Variants in SCD observed in about 807,000 individuals in gnomAD.
SCD encodes stearoyl-CoA desaturase, also known as acyl-CoA desaturase.
SCD carries 4 observed loss-of-function variants against 35.7 expected under a neutral mutation model. The ratio of observed to expected loss-of-function variants is 0.11; its 90% confidence interval spans 0.06 to 0.26. The LOEUF is 0.26. Among genes scored for constraint, SCD ranks in the 10% least tolerant of loss-of-function variants. The pLI is 1.00. For missense variants in SCD, 282 were observed against 460.7 expected, an observed-to-expected ratio of 0.61 and a Z score of 3.55; for synonymous variants, 150 against 170.2, an observed-to-expected ratio of 0.88 and a Z score of 0.92.
At position 100,361,619 on chromosome 10, in the gene SCD, G is replaced by A. The variant is rs202061407; in HGVS notation, c.*686G>A. The stretch of plus-strand genomic sequence containing the variant: ...GCATGCTTCCTTTCTCTCCTGGCTC[G>A]GGGTAAAAAGTGGCTGCGGTGTTTG... On this transcript the variant is annotated 3_prime_UTR_variant, in exon 6 of 6. Coordinates refer to ENST00000370355, the MANE Select transcript of SCD (RefSeq NM_005063.5). 1.3e-5 allele frequency: 2 copies of A among 152,216 alleles called. No homozygotes were observed. The highest frequency in any genetic ancestry group is 1.9e-4 in the East Asian group (1 of 5,202). The allele number at this position is 152,216 out of a possible 1,614,324, so 9.4% of individuals were successfully genotyped here.
chr10:100,352,531 C>T lies in SCD; in HGVS notation c.441+35C>T, dbSNP rs1484916154. The stretch of plus-strand genomic sequence containing the variant: ...TGTCTCTGCTCAGCTGTTTGTCCTC[C>T]ACACTATTAATGATCCGGGGACAGA... On this transcript the variant is annotated intron_variant, in intron 3 of 5. Transcript: ENST00000370355. This position sits in a 1 kb window ranked among gnomAD's most constrained non-coding sequence, Gnocchi z 4.2. The T allele has an allele frequency of 1.2e-6, 2 of 1,604,110 alleles. No individual in the cohort carries two copies. The highest frequency in any genetic ancestry group is 1.7e-6 in the Non-Finnish European group (2 of 1,174,604).
chr10:100,356,479 A>G lies in SCD; in HGVS notation c.648-53A>G, dbSNP rs1849929288. The G allele has an allele frequency of 7.7e-7, 1 of 1,304,320 alleles. No individual in the cohort carries two copies. The highest frequency in any genetic ancestry group is 1.1e-6 in the Non-Finnish European group (1 of 899,070). The allele number at this position is 1,304,320 out of a possible 1,614,324, so 80.8% of individuals were successfully genotyped here. On this transcript the variant is annotated intron_variant, in intron 4 of 5. Coordinates refer to ENST00000370355, the MANE Select transcript of SCD (RefSeq NM_005063.5). This position sits in a 1 kb window ranked among gnomAD's most constrained non-coding sequence, Gnocchi z 4.1. ...CCCTCCCAATTAGTGTGGAAGATCC[A>G]TGTAGGTGTGGAGTCCCCCTCCATT... is the stretch of plus-strand genomic sequence containing the variant.
Position 100,354,606 on chromosome 10 carries a change from T to A in SCD, c.621T>A (p.Ala207=). 1 of 1,614,098 alleles carries A rather than the reference T, an allele frequency of 6.2e-7. No homozygotes were observed. Among genetic ancestry groups the A allele is most frequent in the Non-Finnish European group, 8.5e-7 (1 of 1,179,946 alleles). ...CGCTAGACTTGTCTGACCTAGAAGC[T>A]GAGAAACTGGTGATGTTCCAGAGGA... is the stretch of plus-strand genomic sequence containing the variant. ...GSTLDLSDLE[A]EKLVMFQRRY... is the part of the protein sequence containing the mutation. Residue 207 remains alanine, a synonymous_variant, in exon 4 of 6, where the codon GCT becomes GCA. Coordinates refer to ENST00000370355, the MANE Select transcript of SCD (RefSeq NM_005063.5).
chr10:100,364,349 G>A lies in SCD; in HGVS notation c.*3416G>A, dbSNP rs1484741649. The stretch of plus-strand genomic sequence containing the variant: ...CCCTGGGCAAGTCACTTAACTATAA[G>A]GTGCCTCAGTTTTCCTTCTGTTAAA... On this transcript the variant is annotated 3_prime_UTR_variant, in exon 6 of 6. Transcript: ENST00000370355. 6.6e-6 allele frequency: 1 copy of A among 152,488 alleles called. No homozygotes were observed. The highest frequency in any genetic ancestry group is 6.6e-5 in the Admixed American group (1 of 15,262). 9.4% of individuals were successfully genotyped at this position (152,488 alleles called of 1,614,324 possible). A position where few individuals can be genotyped will look rare whatever the true frequency, so the allele number is the denominator to read the frequency against.
Position 100,362,419 on chromosome 10 carries a change from C to T in SCD, c.*1486C>T, listed in dbSNP as rs1329951423. The T allele has an allele frequency of 1.3e-5, 2 of 152,156 alleles. No homozygotes were observed. Among genetic ancestry groups the T allele is most frequent in the Non-Finnish European group, 1.5e-5 (1 of 68,040 alleles). The allele number at this position is 152,156 out of a possible 1,614,324, so 9.4% of individuals were successfully genotyped here. On this transcript the variant is annotated 3_prime_UTR_variant, in exon 6 of 6. Transcript: ENST00000370355. ...GAAGGGGGTCTCTGTTAACATCTAG[C>T]CTAAAGTATACAACTGCCTGGGGGG...
chr10:100,354,537 G>C lies in SCD; in HGVS notation c.552G>C (p.Trp184Cys). ...RRGFFFSHVG[W>C]LLVRKHPAVK... Reference sequence around the variant, plus strand: ...GCTTTTTCTTCTCTCACGTGGGTTGGCTGCTTGTGCGCAAACACCCAGCTG... The same window carrying C: ...GCTTTTTCTTCTCTCACGTGGGTTGCCTGCTTGTGCGCAAACACCCAGCTG... Residue 184 changes from tryptophan to cysteine, a missense_variant, in exon 4 of 6, where the codon TGG becomes TGC. Trp to Cys is a radical substitution (Grantham distance 215). Transcript: ENST00000370355. 2 of 1,614,118 alleles carry C rather than the reference G, an allele frequency of 1.2e-6. No homozygotes were observed. Among genetic ancestry groups the C allele is most frequent in the Non-Finnish European group, 1.7e-6 (2 of 1,179,986 alleles).
rs200497654 is a variant in SCD at position 100,354,505 on chromosome 10, C to T, written c.520C>T (p.Arg174Ter). 3 of 1,614,052 alleles carry T rather than the reference C, an allele frequency of 1.9e-6. No homozygotes were observed. Among genetic ancestry groups the T allele is most frequent in the Non-Finnish European group, 1.7e-6 (2 of 1,179,920 alleles). The change falls in exon 4 of 6, where the codon CGA (arginine) becomes TGA (stop). Residue 174 changes from arginine to a stop codon, truncating the protein, a stop_gained. Coordinates refer to ENST00000370355, the MANE Select transcript of SCD (RefSeq NM_005063.5). LOFTEE classifies it high-confidence loss of function. The part of the protein sequence containing the change: ...SETHADPHNS[R>*]RGFFFSHVGW... ...AACACATGCTGATCCTCATAATTCCCGACGTGGCTTTTTCTTCTCTCACGT... is the reference window on the plus strand; with the variant it reads ...AACACATGCTGATCCTCATAATTCCTGACGTGGCTTTTTCTTCTCTCACGT...
intron 5 of SCD, among the ~76,000 whole-genome samples, chr10:100,359,049 A>C (rs976764465): frequency 5.9e-5 from 9 of 152,210 alleles, no homozygotes; most frequent in African/African-American, 1.7e-4. Context: ...TAAATCATAT[A>C]CACTGTATAA....
rs754614291 is a variant in SCD, at chr10:100,356,773, G to T, written c.880+9G>T. 1 of 1,608,980 alleles carries T rather than the reference G, an allele frequency of 6.2e-7. No individual in the cohort carries two copies. The highest frequency in any genetic ancestry group is 8.5e-7 in the Non-Finnish European group (1 of 1,175,482). ...TTCACTTGGAGCTGTGGGTAAGTCAGCTGTCCAAGTAAGACTACATCCAGT... is the reference window on the plus strand; with the variant it reads ...TTCACTTGGAGCTGTGGGTAAGTCATCTGTCCAAGTAAGACTACATCCAGT... On this transcript the variant is annotated intron_variant, in intron 5 of 5. Transcript: ENST00000370355. This position sits in a 1 kb window ranked among gnomAD's most constrained non-coding sequence, Gnocchi z 4.1.
At chr10:100,353,120 T>C (rs1407730930) in intron 3 of SCD, among the ~76,000 whole-genome samples, 1 of 152,224 alleles carries the variant, frequency 6.6e-6, no homozygotes, top group Non-Finnish European at 1.5e-5. Flanking sequence ...AGCCTGGCAC[T>C]ATTCTAAGCA....
chr10:100,348,196 A>T lies in SCD; in HGVS notation c.160A>T (p.Ile54Leu), dbSNP rs200925770. Reference protein sequence around the residue: ...DDIRPDIKDDIYDPTYKDKEG... With the variant: ...DDIRPDIKDDLYDPTYKDKEG... ...CATTCGCCCTGATATAAAAGATGAT[A>T]TATATGACCCCACCTACAAGGATAA... Residue 54 changes from isoleucine to leucine, a missense_variant, in exon 2 of 6, where the codon ATA (isoleucine) becomes TTA (leucine). Transcript: ENST00000370355. The T allele has an allele frequency of 1.5e-5, 24 of 1,613,944 alleles. No homozygotes were observed. The highest frequency in any genetic ancestry group is 4.0e-5 in the African/African-American group (3 of 74,878).
intron 2 of SCD, among the ~76,000 whole-genome samples, chr10:100,348,788 A>G (rs1849838316): frequency 2.0e-5 from 3 of 152,242 alleles, no homozygotes; most frequent in Admixed American, 2.0e-4. Flanking sequence ...ACTCAGGGAG[A>G]GAGTTTATTG....
intron 5 of SCD, among the ~76,000 whole-genome samples, chr10:100,358,284 G>A (rs1033356358): frequency 1.3e-5 from 2 of 152,020 alleles, no homozygotes; most frequent in Non-Finnish European, 2.9e-5. Flanking sequence ...TATAATAGCC[G>A]TGAGCCACTG....
At chr10:100,348,449 G>C in intron 2 of SCD, 103 bp downstream of exon 2, 1 of 1,235,026 alleles carries the variant, frequency 8.1e-7, no homozygotes, top group Non-Finnish European at 1.1e-6. Flanking sequence ...CAGCCTCCCG[G>C]TTGGGGTTTT....
intron 5 of SCD, among the ~76,000 whole-genome samples, chr10:100,357,594 C>T (rs1849941254): frequency 6.6e-6 from 1 of 152,162 alleles, no homozygotes; most frequent in African/African-American, 2.4e-5. Flanking sequence ...CAAGTTCCTG[C>T]TCAATTCTCT....
intron 5 of SCD, among the ~76,000 whole-genome samples, chr10:100,359,786 G>C (rs1849971002): frequency 6.6e-6 from 1 of 152,082 alleles, no homozygotes; most frequent in Non-Finnish European, 1.5e-5. Context: ...GCCTGATTAG[G>C]GTCAGTATTA....
At chr10:100,348,776 C>T (rs1849837995) in intron 2 of SCD, among the ~76,000 whole-genome samples, 1 of 152,162 alleles carries the variant, frequency 6.6e-6, no homozygotes, top group African/African-American at 2.4e-5. Context: ...ACAAGGGAAA[C>T]TACTCAGGGA....
At chr10:100,357,734 A>T (rs1372454393) in intron 5 of SCD, among the ~76,000 whole-genome samples, 1 of 151,640 alleles carries the variant, frequency 6.6e-6, no homozygotes, top group Non-Finnish European at 1.5e-5. Flanking sequence ...GGCTGAAGTG[A>T]TCCTCCTGCC....
At chr10:100,347,578 C>T (rs748819202) in intron 1 of SCD, 47 bp downstream of exon 1, 3 of 1,611,280 alleles carry the variant, frequency 1.9e-6, no homozygotes, top group Admixed American at 1.7e-5. Flanking sequence ...CAGGCGCGGG[C>T]TGGGCTTCCA....
Sources: gnomAD v4.1 joint callset for allele counts (sites outside exome capture counted in the v4.1 genomes callset) on GRCh38, gnomAD v4.1.1 for gene constraint, Gnocchi (gnomAD v3.1) non-coding constraint, MANE v1.5 for transcripts, NCBI Gene and HGNC (gene_info 2026-07-23, HGNC 2026-07-21) for gene names.